The following FAM3C variants were observed in gnomAD, a reference collection of about 807,000 sequenced individuals.
The protein encoded by FAM3C is protein FAM3C.
FAM3C carries 15 observed loss-of-function variants against 32.5 expected under a neutral mutation model. The ratio of observed to expected loss-of-function variants is 0.46; its 90% CI spans 0.31 to 0.71. The LOEUF is 0.71. FAM3C is among the 30% of genes least tolerant of loss of function. The pLI is 0.05. For missense variants in FAM3C, 175 were observed against 274.4 expected (o/e 0.64, Z 2.56); for synonymous variants, 75 against 86.1 (o/e 0.87, Z 0.72).
chr7:121,358,008 T>C (rs1036110685), intron 8 of FAM3C, among the ~76,000 whole-genome samples: 13 of 148,626 alleles, frequency 8.7e-5, no homozygotes, highest in African/African-American at 3.1e-4. Flanking sequence ...CGTAATAGCC[T>C]ATTCTCTCAG....
chr7:121,364,219 A>G, intron 5 of FAM3C, 31 bp from the exon 6 acceptor site: 1 of 1,360,690 alleles, frequency 7.3e-7, no homozygotes, highest in African/African-American at 1.4e-5. Flanking sequence ...ATAAATTTAG[A>G]ATTAAATATT....
rs118165698 is a variant in FAM3C, at chr7:121,355,280, T to C, written c.468-4011A>G. On this transcript the variant is annotated intron_variant, in intron 8 of 9. Transcript: ENST00000359943. The stretch of plus-strand genomic sequence containing the variant: ...AACCCCCTCCCCCACTTCACACTTT[T>C]AGATTGTAAAGGAACTTGTTGAAAT... 3.0e-3 allele frequency among the ~76,000 whole-genome samples: 458 copies of C among 152,330 alleles called. 1 individual carries two copies. The highest frequency in any genetic ancestry group is 4.9e-3 in the Non-Finnish European group (334 of 68,024).
At chr7:121,381,757 G>C (rs1794362456) in intron 2 of FAM3C, among the ~76,000 whole-genome samples, 1 of 151,808 alleles carries the variant, frequency 6.6e-6, no homozygotes. Context: ...TCGTTTCTGA[G>C]AATATTTTTC....
chr7:121,395,262 T>C (rs192262473), intron 1 of FAM3C, among the ~76,000 whole-genome samples: 1 of 139,588 alleles, frequency 7.2e-6, no homozygotes, highest in Non-Finnish European at 1.5e-5. Flanking sequence ...GATACATACA[T>C]ATATATGGAT....
intron 3 of FAM3C, among the ~76,000 whole-genome samples, chr7:121,375,296 C>A (rs1268392551): frequency 6.6e-6 from 1 of 152,018 alleles, no homozygotes; most frequent in Non-Finnish European, 1.5e-5. Context: ...GGGTGAGGAA[C>A]CAGGACGAGC....
At chr7:121,394,893 T>C (rs1022634973) in intron 1 of FAM3C, among the ~76,000 whole-genome samples, 5 of 152,230 alleles carry the variant, frequency 3.3e-5, no homozygotes, top group Non-Finnish European at 4.4e-5. Flanking sequence ...CTGCTGGTAC[T>C]CTGTAAGATA....
chr7:121,390,853 C>CCGGGGG (rs1794560884), intron 1 of FAM3C, among the ~76,000 whole-genome samples: 1 of 7,438 alleles, frequency 1.3e-4, no homozygotes, highest in Non-Finnish European at 5.6e-4. Context: ...CTGTGTGGGG[C>CCGGGGG]GGGGGGGGGG....
At chr7:121,364,073 T>C (rs1046022352) in intron 6 of FAM3C, 57 bp downstream of exon 6, 65 of 1,161,826 alleles carry the variant, frequency 5.6e-5, no homozygotes, top group Non-Finnish European at 7.5e-5. Context: ...TGCATTTTAC[T>C]TTGGGACAGA....
chr7:121,390,835 A>G (rs1794558500), intron 1 of FAM3C, among the ~76,000 whole-genome samples: 1 of 65,426 alleles, frequency 1.5e-5, no homozygotes, highest in East Asian at 5.6e-4. Context: ...CCACACACAC[A>G]GGAAAGGCTG....
At chr7:121,373,553 CAAT>C (rs1395456750) in intron 3 of FAM3C, among the ~76,000 whole-genome samples, 1 of 152,172 alleles carries the variant, frequency 6.6e-6, no homozygotes, top group Non-Finnish European at 1.5e-5. Context: ...TTTCATGGAA[CAAT>C]AATAAACATT....
Position 121,350,530 on chromosome 7 carries a change from A to G in FAM3C, c.615T>C (p.Asp205=). 1 of 1,613,054 alleles carries G rather than the reference A, an allele frequency of 6.2e-7. No homozygotes were observed. The highest frequency in any genetic ancestry group is 8.5e-7 in the Non-Finnish European group (1 of 1,179,386). ...CAGGCCATCCTTCATATTTGTTTGTATCCTTATTGTTCTTTATGTGCTATT... is the reference window on the plus strand; with the variant it reads ...CAGGCCATCCTTCATATTTGTTTGTGTCCTTATTGTTCTTTATGTGCTATT... The part of the protein sequence containing the change: ...PFEQHIKNNK[D]TNKYEGWPEV... The change falls in exon 10 of 10, where the codon GAT becomes GAC. Residue 205 remains aspartate (D), a synonymous_variant. Coordinates refer to ENST00000359943, the MANE Select transcript of FAM3C (RefSeq NM_014888.3).
intron 1 of FAM3C, among the ~76,000 whole-genome samples, chr7:121,394,524 T>C (rs904529963): frequency 6.6e-6 from 1 of 152,208 alleles, no homozygotes; most frequent in African/African-American, 2.4e-5. Context: ...GTGTCCCTCT[T>C]ACAAAGTTCC....
intron 3 of FAM3C, among the ~76,000 whole-genome samples, chr7:121,373,922 C>G (rs2952564): frequency 0.26 from 37,885 of 148,040 alleles, 5,764 homozygotes; most frequent in African/African-American, 0.44. Flanking sequence ...CGTGAACCCG[C>G]GAGGTGGAGC....
intron 1 of FAM3C, among the ~76,000 whole-genome samples, chr7:121,384,536 A>T (rs1252305892): frequency 6.6e-6 from 1 of 152,192 alleles, no homozygotes; most frequent in East Asian, 1.9e-4. Flanking sequence ...AAGTGTGATA[A>T]GCAGTTACGC....
chr7:121,359,277 A>C (rs1793875721), intron 8 of FAM3C, among the ~76,000 whole-genome samples: 2 of 152,036 alleles, frequency 1.3e-5, no homozygotes, highest in Non-Finnish European at 2.9e-5. Flanking sequence ...TGCAAATTGG[A>C]ACTAGTCTGG....
At chr7:121,382,294 T>C (rs1794372992) in intron 2 of FAM3C, among the ~76,000 whole-genome samples, 1 of 152,202 alleles carries the variant, frequency 6.6e-6, no homozygotes, top group African/African-American at 2.4e-5. Flanking sequence ...CTCAATATGC[T>C]GCTTAATAAA....
chr7:121,377,180 C>A (rs951835110), intron 3 of FAM3C, among the ~76,000 whole-genome samples: 6 of 151,280 alleles, frequency 4.0e-5, no homozygotes, highest in Non-Finnish European at 5.9e-5. Context: ...TCACTCTGCA[C>A]TTCTCCTTTC....
intron 3 of FAM3C, among the ~76,000 whole-genome samples, chr7:121,375,528 G>C (rs986760213): frequency 6.6e-6 from 1 of 152,142 alleles, no homozygotes; most frequent in South Asian, 2.1e-4. Flanking sequence ...TGAAAGTGGT[G>C]AGATAGGCAG....
intron 8 of FAM3C, among the ~76,000 whole-genome samples, chr7:121,352,202 T>TG (rs1793720275): frequency 6.6e-6 from 1 of 152,204 alleles, no homozygotes. Flanking sequence ...TTATTCATTC[T>TG]ACAGTGTTCT....
Sources: gnomAD v4.1 joint callset for allele counts (sites outside exome capture counted in the v4.1 genomes callset) on GRCh38, gnomAD v4.1.1 for gene constraint, MANE v1.5 for transcripts, NCBI Gene and HGNC (gene_info 2026-07-23, HGNC 2026-07-21) for gene names.